ZDHHC21: variants seen among roughly 807,000 people sequenced by gnomAD.
ZDHHC21 encodes zDHHC palmitoyltransferase 21.
In ZDHHC21, 15 loss-of-function variants were observed where a neutral mutation model predicts 34.6. That is an observed-to-expected ratio of 0.43 (90% CI 0.29 to 0.67). ZDHHC21 has a LOEUF of 0.67. Among genes scored for constraint, ZDHHC21 ranks in the 30% least tolerant of loss-of-function variants. ZDHHC21 has a pLI of 0.14. For synonymous variants in ZDHHC21, 142 were observed against 101.8 expected (o/e 1.40, Z -2.38); for missense variants, 344 against 327.7 (o/e 1.05, Z -0.38).
chr9:14,627,014 G>C (rs1472534362), intron 8 of ZDHHC21, among the ~76,000 whole-genome samples: 1 of 152,018 alleles, frequency 6.6e-6, no homozygotes, highest in African/African-American at 2.4e-5. Flanking sequence ...AATTAGCAAT[G>C]ATGTTCATGT....
At chr9:14,669,599 C>G (rs913603838) in intron 5 of ZDHHC21, among the ~76,000 whole-genome samples, 14 of 145,508 alleles carry the variant, frequency 9.6e-5, no homozygotes, top group Non-Finnish European at 2.0e-4. Context: ...GACTTGGAAC[C>G]AACCCAAATG....
chr9:14,605,268 G>A, the ZDHHC21 span, among the ~76,000 whole-genome samples: 2 of 150,308 alleles, frequency 1.3e-5, no homozygotes, highest in Non-Finnish European at 2.9e-5. Flanking sequence ...TAATTCTTCT[G>A]AGGAACTTCC....
intron 2 of ZDHHC21, among the ~76,000 whole-genome samples, chr9:14,684,043 G>A (rs948251883): frequency 2.6e-5 from 4 of 152,106 alleles, no homozygotes; most frequent in African/African-American, 9.7e-5. Context: ...GTATTGAAGG[G>A]ACGTACCTCA....
chr9:14,641,846 TTTA>T (rs1252730093), intron 7 of ZDHHC21, among the ~76,000 whole-genome samples: 1 of 152,064 alleles, frequency 6.6e-6, no homozygotes, highest in African/African-American at 2.4e-5. Context: ...TGCTGTTGTT[TTTA>T]TTATATTCCT....
rs1394883963 is a variant in ZDHHC21 at position 14,618,906 on chromosome 9, C to T, written c.*60G>A. Reference sequence around the variant, plus strand: ...TTGAAGACTGTCATAGTTCTATTATCATAAAACCTGTAACGCATTGCCAGC... The same window carrying T: ...TTGAAGACTGTCATAGTTCTATTATTATAAAACCTGTAACGCATTGCCAGC... On this transcript the variant is annotated 3_prime_UTR_variant, in exon 10 of 10. Coordinates refer to ENST00000380916, the MANE Select transcript of ZDHHC21 (RefSeq NM_178566.6). 1.3e-6 allele frequency: 2 copies of T among 1,492,872 alleles called. No individual in the cohort carries two copies. The highest frequency in any genetic ancestry group is 1.8e-6 in the Non-Finnish European group (2 of 1,117,026). 92.5% of individuals were successfully genotyped at this position (1,492,872 alleles called of 1,614,324 possible). A position where few individuals can be genotyped will look rare whatever the true frequency, so the allele number is the denominator to read the frequency against.
chr9:14,600,254 AC>A, the ZDHHC21 span, among the ~76,000 whole-genome samples: 3 of 152,050 alleles, frequency 2.0e-5, no homozygotes, highest in Non-Finnish European at 4.4e-5. Context: ...TATTTAGAAA[AC>A]CCCATTGACT....
intron 2 of ZDHHC21, among the ~76,000 whole-genome samples, chr9:14,688,298 A>G (rs1046050258): frequency 6.6e-6 from 1 of 150,966 alleles, no homozygotes. Flanking sequence ...CAGCGCCTCC[A>G]AAATGCTAAC....
chr9:14,650,410 T>C (rs1831034720), intron 7 of ZDHHC21, among the ~76,000 whole-genome samples: 1 of 152,022 alleles, frequency 6.6e-6, no homozygotes, highest in African/African-American at 2.4e-5. Flanking sequence ...TATTCTTGAC[T>C]CTTGGCTATT....
chr9:14,634,038 C>G lies in ZDHHC21; in HGVS notation c.621+5858G>C, dbSNP rs148425940. Among the ~76,000 whole-genome samples the G allele has an allele frequency of 8.9e-3, 1,351 of 152,234 alleles. 6 individuals carry two copies. The highest frequency in any genetic ancestry group is 0.015 in the Non-Finnish European group (1,021 of 68,000). ...TAGCTGAGGCTAGGTCTGCCCATAC[C>G]CAAACTCCAGTACCCAAGCACACTG... On this transcript the variant is annotated intron_variant, in intron 8 of 9. Coordinates refer to ENST00000380916, the MANE Select transcript of ZDHHC21 (RefSeq NM_178566.6).
chr9:14,655,927 A>C (rs1832124453), intron 7 of ZDHHC21, among the ~76,000 whole-genome samples: 1 of 151,900 alleles, frequency 6.6e-6, no homozygotes, highest in African/African-American at 2.4e-5. Flanking sequence ...AGATAGGTTG[A>C]AAGTATTAAA....
intron 8 of ZDHHC21, among the ~76,000 whole-genome samples, chr9:14,634,692 A>G (rs1827961174): frequency 6.6e-6 from 1 of 152,210 alleles, no homozygotes; most frequent in Non-Finnish European, 1.5e-5. Context: ...CATGTCCAGG[A>G]AAAAGTCCTC....
At chr9:14,649,851 TAA>T (rs1830912796) in intron 7 of ZDHHC21, among the ~76,000 whole-genome samples, 1 of 152,068 alleles carries the variant, frequency 6.6e-6, no homozygotes, top group South Asian at 2.1e-4. Context: ...GGCAATCCAA[TAA>T]GAGAACAGGA....
chr9:14,628,829 T>G (rs969580971), intron 8 of ZDHHC21, among the ~76,000 whole-genome samples: 1 of 152,222 alleles, frequency 6.6e-6, no homozygotes, highest in Non-Finnish European at 1.5e-5. Flanking sequence ...TAAATAGTAT[T>G]TAAGTGCTAA....
At chr9:14,660,134 G>C (rs1564326390) in intron 6 of ZDHHC21, among the ~76,000 whole-genome samples, 1 of 152,090 alleles carries the variant, frequency 6.6e-6, no homozygotes, top group Admixed American at 6.5e-5. Context: ...GGGAGGCCGA[G>C]GGGAGCAGAT....
Position 14,665,915 on chromosome 9 carries a change from C to A in ZDHHC21, c.254-3589G>T, listed in dbSNP as rs528088577. Among the ~76,000 whole-genome samples the A allele has an allele frequency of 9.0e-3, 1,334 of 149,010 alleles. 14 individuals are homozygous for A. Among genetic ancestry groups the A allele is most frequent in the African/African-American group, 0.03 (1,221 of 40,582 alleles). The stretch of plus-strand genomic sequence containing the variant: ...AATCATGCCAAAATGTAAAGACCAT[C>A]GAGACTAGGAAGAAACTGCATCAAC... On this transcript the variant is annotated intron_variant, in intron 5 of 9. Coordinates refer to ENST00000380916, the MANE Select transcript of ZDHHC21 (RefSeq NM_178566.6).
intron 9 of ZDHHC21, 79 bp from the exon 10 acceptor site, chr9:14,619,177 G>A (rs1824809656): frequency 6.9e-7 from 1 of 1,441,298 alleles, no homozygotes; most frequent in Non-Finnish European, 9.2e-7. Context: ...CAGATTGGCT[G>A]GGGATCCATT....
chr9:14,652,964 G>C (rs1564300504), intron 7 of ZDHHC21, among the ~76,000 whole-genome samples: 1 of 151,926 alleles, frequency 6.6e-6, no homozygotes, highest in East Asian at 1.9e-4. Flanking sequence ...TACGTGAAAG[G>C]GTAGAAAGAA....
intron 5 of ZDHHC21, among the ~76,000 whole-genome samples, chr9:14,663,359 C>T (rs966013991): frequency 6.6e-6 from 1 of 151,910 alleles, no homozygotes; most frequent in Non-Finnish European, 1.5e-5. Context: ...GAGTAGGACC[C>T]TAGCACATAC....
chr9:14,620,581 A>T (rs776606168), intron 8 of ZDHHC21, among the ~76,000 whole-genome samples: 24 of 151,972 alleles, frequency 1.6e-4, no homozygotes, highest in Non-Finnish European at 3.1e-4. Flanking sequence ...AAGCAGTACT[A>T]TTCATGCAAA....
Sources: allele counts gnomAD v4.1 joint callset (sites outside exome capture counted in the v4.1 genomes callset), GRCh38; gene constraint gnomAD v4.1.1; transcripts MANE v1.5; gene names NCBI Gene and HGNC (gene_info 2026-07-23, HGNC 2026-07-21).